SGPL1: variants seen among roughly 807,000 people sequenced by gnomAD.
The protein encoded by SGPL1 is SP-lyase 1.
In SGPL1, 37 loss-of-function variants were observed where a neutral mutation model predicts 68.9. The ratio of observed to expected loss-of-function variants is 0.54; its 90% confidence interval spans 0.41 to 0.71. The LOEUF (loss-of-function observed/expected upper bound fraction) is 0.71, where lower values mean the gene tolerates loss of function less well. Ranked by LOEUF, SGPL1 falls within the 30% of genes least tolerant of loss-of-function variation. SGPL1 has a pLI of 0.00. For missense variants in SGPL1, 551 were observed against 704.6 expected (o/e 0.78, Z 2.47); for synonymous variants, 236 against 248.5 (o/e 0.95, Z 0.47).
At chr10:70,857,155 TCA>T (rs1295352278) in intron 5 of SGPL1, 1 of 168,344 alleles carries the variant, frequency 5.9e-6, no homozygotes, top group Non-Finnish European at 1.3e-5. Context: ...TGCTGAAATT[TCA>T]CACTTTTCAT....
intron 2 of SGPL1, among the ~76,000 whole-genome samples, chr10:70,828,093 T>G (rs1002773925): frequency 7.9e-5 from 12 of 152,236 alleles, no homozygotes; most frequent in Admixed American, 6.5e-4. Flanking sequence ...GCTGCCTTCT[T>G]GAACATGTCT....
chr10:70,871,491 C>T (rs978799711), intron 10 of SGPL1, among the ~76,000 whole-genome samples: 5 of 152,228 alleles, frequency 3.3e-5, no homozygotes, highest in African/African-American at 9.6e-5. Flanking sequence ...CCTCCCTTTC[C>T]CTCACGCCTC....
chr10:70,852,112 G>T (rs1845892014), intron 4 of SGPL1, among the ~76,000 whole-genome samples: 1 of 152,144 alleles, frequency 6.6e-6, no homozygotes, highest in Admixed American at 6.5e-5. Context: ...ATCTCCTCCA[G>T]TGCCCTCCCC....
Position 70,847,892 on chromosome 10 carries a change from C to T in SGPL1, c.194-3251C>T, listed in dbSNP as rs557862946. 2.0e-5 allele frequency among the ~76,000 whole-genome samples: 3 copies of T among 152,290 alleles called. No homozygotes were observed. The South Asian group carries it at 6.2e-4, about 32-fold the overall frequency. On this transcript the variant is annotated intron_variant, in intron 3 of 14. Coordinates refer to ENST00000373202, the MANE Select transcript of SGPL1 (RefSeq NM_003901.4). ...ACTAGTGATGAATTTTGCTGATCTT[C>T]CAACACTGAATCCCTCTTGAGGGAA...
At chr10:70,876,760 C>T in intron 14 of SGPL1, 99 bp downstream of exon 14, 1 of 1,037,020 alleles carries the variant, frequency 9.6e-7, no homozygotes. Context: ...CTGCCTCTGC[C>T]CCTTTGCCAC....
chr10:70,824,825 T>C (rs1845402539), intron 2 of SGPL1, among the ~76,000 whole-genome samples: 1 of 152,180 alleles, frequency 6.6e-6, no homozygotes, highest in Non-Finnish European at 1.5e-5. Flanking sequence ...AGGACAGCTA[T>C]ATATAAACAT....
rs759817863 is a variant in SGPL1, at chr10:70,876,628, C to T, written c.1533C>T (p.Ile511=). Residue 511 remains isoleucine (I), a synonymous_variant, in exon 14 of 15, where the codon ATC becomes ATT. Transcript: ENST00000373202. ...LKDIRESVTQ[I]MKNPKAKTTG... is the part of the protein sequence containing the mutation. ...ACATTCGAGAATCTGTCACTCAAAT[C>T]ATGAAGAATCCTAAAGCGAAGACCA... 2.5e-6 allele frequency: 4 copies of T among 1,613,568 alleles called. No homozygotes were observed. Among genetic ancestry groups the T allele is most frequent in the Non-Finnish European group, 8.5e-7 (1 of 1,179,698 alleles).
intron 11 of SGPL1, among the ~76,000 whole-genome samples, chr10:70,872,818 GT>G (rs1250262250): frequency 6.6e-6 from 1 of 152,116 alleles, no homozygotes; most frequent in African/African-American, 2.4e-5. Flanking sequence ...TAATTAGGGG[GT>G]CAGATGTTCT....
intron 13 of SGPL1, among the ~76,000 whole-genome samples, 186 bp from the exon 14 acceptor site, chr10:70,876,355 A>C (rs1363800833): frequency 1.3e-5 from 2 of 152,194 alleles, no homozygotes; most frequent in East Asian, 3.8e-4. Context: ...CTCTGAGGCC[A>C]GCCCATGCCT....
chr10:70,863,311 T>TTA (rs1846116190), intron 7 of SGPL1, among the ~76,000 whole-genome samples: 1 of 129,628 alleles, frequency 7.7e-6, no homozygotes, highest in Non-Finnish European at 1.7e-5. Context: ...TTTTTTTTTT[T>TTA]AATCTGCTTG....
At chr10:70,827,050 A>G (rs79263445) in intron 2 of SGPL1, among the ~76,000 whole-genome samples, 10,652 of 152,246 alleles carry the variant, frequency 0.07, 488 homozygotes, top group African/African-American at 0.1. Flanking sequence ...TGTGCCTAGG[A>G]GTGGAATTGC....
At chr10:70,829,936 T>A (rs1845504758) in intron 2 of SGPL1, among the ~76,000 whole-genome samples, 1 of 152,234 alleles carries the variant, frequency 6.6e-6, no homozygotes, top group Non-Finnish European at 1.5e-5. Context: ...ATTTTAGTCG[T>A]TAATAATTTA....
chr10:70,856,927 A>ACCT (rs1254267138), intron 5 of SGPL1, among the ~76,000 whole-genome samples: 7 of 152,116 alleles, frequency 4.6e-5, no homozygotes, highest in Non-Finnish European at 8.8e-5. Flanking sequence ...CTACTCAGGA[A>ACCT]CTTTACTTTT....
chr10:70,870,807 G>A (rs774809729), intron 9 of SGPL1, among the ~76,000 whole-genome samples: 1 of 152,006 alleles, frequency 6.6e-6, no homozygotes, highest in Non-Finnish European at 1.5e-5. Context: ...TATTATTTTC[G>A]CCCCCACAGC....
intron 7 of SGPL1, among the ~76,000 whole-genome samples, chr10:70,862,429 C>A (rs1285649097): frequency 2.6e-5 from 4 of 152,116 alleles, no homozygotes; most frequent in Non-Finnish European, 4.4e-5. Context: ...TTGGCTCTAC[C>A]AATCAGCAGG....
At position 70,859,716 on chromosome 10, in the gene SGPL1, G is replaced by A. The variant is rs80337807; in HGVS notation, c.615+217G>A. Reference sequence around the variant, plus strand: ...TTAACTGCAGTTTTAAATGTTACTTGTAATTTTGTAACCTAGACAATGTCA... The same window carrying A: ...TTAACTGCAGTTTTAAATGTTACTTATAATTTTGTAACCTAGACAATGTCA... On this transcript the variant is annotated intron_variant, in intron 7 of 14. Transcript: ENST00000373202. 9,015 of 159,752 alleles carry A rather than the reference G, an allele frequency of 0.056. 304 individuals are homozygous for A. Among genetic ancestry groups the A allele is most frequent in the Non-Finnish European group, 0.065 (4,781 of 73,928 alleles). The allele number at this position is 159,752 out of a possible 1,614,324, so 9.9% of individuals were successfully genotyped here.
chr10:70,844,685 C>T, intron 3 of SGPL1, 47 bp downstream of exon 3: 1 of 1,518,042 alleles, frequency 6.6e-7, no homozygotes, highest in South Asian at 1.2e-5. Context: ...GTGTCACTAG[C>T]CTCAAACTAA....
intron 9 of SGPL1, 68 bp from the exon 10 acceptor site, chr10:70,870,980 C>T: frequency 7.2e-7 from 1 of 1,391,786 alleles, no homozygotes; most frequent in Non-Finnish European, 1.0e-6. Context: ...CCAAATTGCT[C>T]TTGGCAGCAG....
At position 70,819,691 on chromosome 10, in the gene SGPL1, C is replaced by CATGAT. The variant is rs1030640883; in HGVS notation, c.27+2812_27+2816dup. Among the ~76,000 whole-genome samples, 15 of 144,848 alleles carry CATGAT rather than the reference C, an allele frequency of 1.0e-4. No homozygotes were observed. The Admixed American group carries it at 1.1e-3, about 10-fold the overall frequency. On this transcript the variant is annotated intron_variant, in intron 2 of 14. Transcript: ENST00000373202. ...TGATGCCCAGGCTGGAGTGCAGTGG[C>CATGAT]ATGATCTCAGCTTACTGCATCCTCA...
Sources: gnomAD v4.1 joint callset for allele counts (sites outside exome capture counted in the v4.1 genomes callset) on GRCh38, gnomAD v4.1.1 for gene constraint, MANE v1.5 for transcripts, NCBI Gene and HGNC (gene_info 2026-07-23, HGNC 2026-07-21) for gene names.